ACOXL: variants seen among roughly 807,000 people sequenced by gnomAD.
ACOXL encodes the protein acyl-coenzyme A oxidase-like protein.
In ACOXL, 70 loss-of-function variants were observed where a neutral mutation model predicts 71.9. That is an observed-to-expected ratio of 0.97 (90% CI 0.80 to 1.19). ACOXL has a LOEUF of 1.19. Ranked by LOEUF, ACOXL falls within the 50% of genes most tolerant of loss-of-function variation. ACOXL has a pLI of 0.00. For missense variants in ACOXL, 703 were observed against 736.3 expected (o/e 0.95, Z 0.52); for synonymous variants, 253 against 281.6 (o/e 0.90, Z 1.02).
chr2:111,089,770 C>T (rs2068423677), intron 16 of ACOXL, among the ~76,000 whole-genome samples: 1 of 152,170 alleles, frequency 6.6e-6, no homozygotes, highest in South Asian at 2.1e-4. Context: ...TATATACTAA[C>T]TATAAAAGCA....
At chr2:111,097,296 C>T (rs2068858574) in intron 17 of ACOXL, among the ~76,000 whole-genome samples, 1 of 152,060 alleles carries the variant, frequency 6.6e-6, no homozygotes, top group Non-Finnish European at 1.5e-5. Flanking sequence ...TCTATATGAC[C>T]CCACAACAAC....
intron 11 of ACOXL, among the ~76,000 whole-genome samples, chr2:110,917,927 C>A (rs1050781745): frequency 2.0e-5 from 3 of 152,190 alleles, no homozygotes; most frequent in East Asian, 3.9e-4. Context: ...ATGGAAAAAA[C>A]ATTCCATGCT....
At chr2:111,076,910 C>G (rs2880118) in intron 16 of ACOXL, among the ~76,000 whole-genome samples, 3,638 of 152,256 alleles carry the variant, frequency 0.024, 107 homozygotes, top group South Asian at 0.15. Flanking sequence ...TCCAGTCTCT[C>G]TCTCCGTGGT....
At chr2:110,956,282 G>C (rs1192988452) in intron 12 of ACOXL, among the ~76,000 whole-genome samples, 2 of 152,118 alleles carry the variant, frequency 1.3e-5, no homozygotes, top group African/African-American at 4.8e-5. Context: ...ACAGGGCCAT[G>C]GCTGTAGTTC....
chr2:110,906,414 C>T (rs894106705), intron 10 of ACOXL, among the ~76,000 whole-genome samples: 22 of 151,636 alleles, frequency 1.5e-4, no homozygotes, highest in African/African-American at 4.8e-4. Context: ...TGGTGGGTGC[C>T]TGTAGTCCCA....
intron 2 of ACOXL, among the ~76,000 whole-genome samples, chr2:110,778,059 TGGC>T (rs780527252): frequency 4.9e-4 from 75 of 152,256 alleles, no homozygotes; most frequent in Non-Finnish European, 5.9e-4. Flanking sequence ...GCATTCATGT[TGGC>T]AGCAGCGGCC....
At chr2:110,895,824 G>A (rs901679881) in intron 10 of ACOXL, among the ~76,000 whole-genome samples, 5 of 151,982 alleles carry the variant, frequency 3.3e-5, no homozygotes, top group Admixed American at 6.6e-5. Context: ...GGAATGAAAA[G>A]GAAATCAAGG....
chr2:110,996,250 G>A (rs983659277), intron 14 of ACOXL, among the ~76,000 whole-genome samples: 3 of 152,112 alleles, frequency 2.0e-5, no homozygotes, highest in Non-Finnish European at 4.4e-5. Flanking sequence ...TGGCTGCCAT[G>A]GGAGTTGATG....
intron 14 of ACOXL, among the ~76,000 whole-genome samples, chr2:111,011,630 T>G (rs1375506227): frequency 1.3e-5 from 2 of 152,040 alleles, no homozygotes; most frequent in Admixed American, 6.6e-5. Context: ...TGCCTGTAGT[T>G]TCAGCACTTT....
chr2:110,784,225 C>T (rs983681626), intron 2 of ACOXL, among the ~76,000 whole-genome samples: 2 of 151,638 alleles, frequency 1.3e-5, no homozygotes, highest in African/African-American at 4.9e-5. Flanking sequence ...AGTTCATGTA[C>T]AGCCTGGGCA....
intron 10 of ACOXL, among the ~76,000 whole-genome samples, chr2:110,874,085 C>G (rs931636448): frequency 6.6e-6 from 1 of 152,186 alleles, no homozygotes; most frequent in Non-Finnish European, 1.5e-5. Flanking sequence ...GGAGGATGCC[C>G]AGAGGGCAGG....
intron 11 of ACOXL, among the ~76,000 whole-genome samples, chr2:110,925,354 A>G (rs114896275): frequency 0.024 from 3,630 of 152,338 alleles, 167 homozygotes; most frequent in African/African-American, 0.084. Flanking sequence ...TGTTTCACCT[A>G]TGCTGAAAAT....
intron 2 of ACOXL, among the ~76,000 whole-genome samples, chr2:110,779,295 C>A (rs1372935493): frequency 6.6e-6 from 1 of 152,090 alleles, no homozygotes; most frequent in Non-Finnish European, 1.5e-5. Flanking sequence ...GCCCCTGGAA[C>A]CAGCAAGAAG....
At position 110,859,748 on chromosome 2, in the gene ACOXL, C is replaced by T. The variant is rs548677738; in HGVS notation, c.788+18343C>T. On this transcript the variant is annotated intron_variant, in intron 10 of 17. Coordinates refer to ENST00000439055, the MANE Select transcript of ACOXL (RefSeq NM_001142807.4). ...TGCTGAGGGGTCTTTGCTCACCAGG[C>T]GCTTGGCACCCCAGCAGGACCCCAG... Among the ~76,000 whole-genome samples the T allele has an allele frequency of 3.8e-4, 58 of 152,306 alleles. 1 individual carries two copies. Among genetic ancestry groups the T allele is most frequent in the Non-Finnish European group, 6.5e-4 (44 of 68,016 alleles).
intron 14 of ACOXL, among the ~76,000 whole-genome samples, chr2:111,016,897 C>G (rs1447191924): frequency 6.9e-6 from 1 of 144,638 alleles, no homozygotes; most frequent in Admixed American, 6.9e-5. Context: ...GGAAGCAGGG[C>G]CCCAGCAAGA....
rs574269919 is a variant in ACOXL, at chr2:111,110,818, G to A, written c.1543-6798G>A. Among the ~76,000 whole-genome samples, 3 of 152,292 alleles carry A rather than the reference G, an allele frequency of 2.0e-5. No homozygotes were observed. In the East Asian group the frequency reaches 5.8e-4, roughly 29 times the overall value. On this transcript the variant is annotated intron_variant, in intron 17 of 17. Transcript: ENST00000439055. Reference sequence around the variant, plus strand: ...AGATTCTTCAGTTTGTAACCATGGAGCAAAATTCTCTTGAATCTATCTACA... The same window carrying A: ...AGATTCTTCAGTTTGTAACCATGGAACAAAATTCTCTTGAATCTATCTACA...
At chr2:110,931,500 C>T (rs2060477650) in intron 11 of ACOXL, among the ~76,000 whole-genome samples, 2 of 151,992 alleles carry the variant, frequency 1.3e-5, no homozygotes, top group South Asian at 4.1e-4. Flanking sequence ...GATGAAAATG[C>T]CACAGACTTC....
At chr2:111,109,100 C>T (rs1184330608) in intron 17 of ACOXL, among the ~76,000 whole-genome samples, 1 of 152,196 alleles carries the variant, frequency 6.6e-6, no homozygotes, top group Non-Finnish European at 1.5e-5. Context: ...TCAGCTGCAT[C>T]ATTCCATAGG....
At position 110,801,632 on chromosome 2, in the gene ACOXL, C is replaced by A. The variant is rs764369138; in HGVS notation, c.548-20C>A. 3 of 1,607,598 alleles carry A rather than the reference C, an allele frequency of 1.9e-6. No individual in the cohort carries two copies. The South Asian group carries it at 3.3e-5, about 18-fold the overall frequency. ...AATACTTCTGATGCTGCATCCATTT[C>A]CCCTTTCTATTCTTGCCAGGTCTGC... On this transcript the variant is annotated intron_variant, in intron 7 of 17. Coordinates refer to ENST00000439055, the MANE Select transcript of ACOXL (RefSeq NM_001142807.4).
Sources: gnomAD v4.1 joint callset for allele counts (sites outside exome capture counted in the v4.1 genomes callset) on GRCh38, gnomAD v4.1.1 for gene constraint, MANE v1.5 for transcripts, NCBI Gene and HGNC (gene_info 2026-07-23, HGNC 2026-07-21) for gene names.